LIPK: variants seen among roughly 807,000 people sequenced by gnomAD.
LIPK encodes the protein lipase family member K.
A neutral mutation model predicts 48.6 loss-of-function variants in LIPK; 32 were observed. That is an observed-to-expected ratio of 0.66 (90% confidence interval 0.50 to 0.88). The LOEUF (loss-of-function observed/expected upper bound fraction) is 0.88, where lower values mean the gene tolerates loss of function less well. Ranked by LOEUF, LIPK falls within the 40% of genes least tolerant of loss-of-function variation. The pLI is 0.00. For missense variants in LIPK, 507 were observed against 478.5 expected (o/e 1.06, Z -0.56); for synonymous variants, 164 against 157.4 (o/e 1.04, Z -0.32).
At chr10:88,708,675 T>C (rs1841977412) in intron 1 of LIPK, among the ~76,000 whole-genome samples, 1 of 152,074 alleles carries the variant, frequency 6.6e-6, no homozygotes, top group Non-Finnish European at 1.5e-5. Flanking sequence ...TCCAATAGAA[T>C]AATGATTTGA....
At chr10:88,715,559 G>A (rs1447493909) in intron 1 of LIPK, among the ~76,000 whole-genome samples, 2 of 151,704 alleles carry the variant, frequency 1.3e-5, no homozygotes, top group Non-Finnish European at 2.9e-5. Context: ...GTACATAGTT[G>A]GGCCCCGCTT....
At chr10:88,750,839 G>A (rs1010099787) in intron 9 of LIPK, among the ~76,000 whole-genome samples, 10 of 152,004 alleles carry the variant, frequency 6.6e-5, no homozygotes, top group Non-Finnish European at 8.8e-5. Flanking sequence ...ACCAGAATAC[G>A]ACCCAGGTTT....
At chr10:88,730,900 A>T (rs981747574) in intron 3 of LIPK, 83 bp from the exon 4 acceptor site, 34 of 1,259,462 alleles carry the variant, frequency 2.7e-5, no homozygotes, top group Admixed American at 5.4e-5. Flanking sequence ...TTTCTTTTAT[A>T]CTACAGAAAT....
chr10:88,748,655 G>A (rs1190810214), intron 9 of LIPK, among the ~76,000 whole-genome samples: 1 of 151,010 alleles, frequency 6.6e-6, no homozygotes, highest in Non-Finnish European at 1.5e-5. Flanking sequence ...AATATTAAAT[G>A]CCATTTCTGA....
intron 1 of LIPK, among the ~76,000 whole-genome samples, chr10:88,720,342 G>A (rs1251106358): frequency 2.0e-5 from 3 of 151,972 alleles, no homozygotes; most frequent in African/African-American, 7.3e-5. Context: ...CACAAAGAGG[G>A]GAATGACAGA....
At chr10:88,726,652 C>T in intron 2 of LIPK, 143 bp from the exon 3 acceptor site, 1 of 606,992 alleles carries the variant, frequency 1.6e-6, no homozygotes, top group Non-Finnish European at 2.9e-6. Context: ...CAAGATCACA[C>T]CACTGCACTC....
At chr10:88,712,118 T>C (rs553837033) in intron 1 of LIPK, among the ~76,000 whole-genome samples, 4 of 152,346 alleles carry the variant, frequency 2.6e-5, no homozygotes, top group Non-Finnish European at 5.9e-5. Context: ...TGTTGATGTA[T>C]AAACAAAGTA....
intron 9 of LIPK, among the ~76,000 whole-genome samples, chr10:88,744,137 G>T (rs1050419996): frequency 2.6e-5 from 4 of 152,154 alleles, no homozygotes; most frequent in African/African-American, 9.7e-5. Flanking sequence ...GCACATCCCT[G>T]TCTGCTGGCC....
chr10:88,719,599 C>T (rs1842183177), intron 1 of LIPK, among the ~76,000 whole-genome samples: 1 of 152,198 alleles, frequency 6.6e-6, no homozygotes, highest in Admixed American at 6.5e-5. Context: ...TAGAAACTGA[C>T]CCCTTTGCAT....
chr10:88,717,012 C>A (rs544260066), intron 1 of LIPK, among the ~76,000 whole-genome samples: 16 of 152,132 alleles, frequency 1.1e-4, no homozygotes, highest in African/African-American at 3.9e-4. Flanking sequence ...GGAAAGAGAC[C>A]AGTGCATGTA....
chr10:88,718,746 C>T lies in LIPK; in HGVS notation c.-11-5787C>T, dbSNP rs184254214. ...CTAAATTGACATTTACGTTTGCTAG[C>T]GATGGAAAAATAATGATTATAATGA... On this transcript the variant is annotated intron_variant, in intron 1 of 9. Transcript: ENST00000404190. 2.0e-3 allele frequency among the ~76,000 whole-genome samples: 301 copies of T among 151,910 alleles called. 3 individuals carry two copies. The highest frequency in any genetic ancestry group is 6.8e-3 in the African/African-American group (283 of 41,426).
In LIPK at chr10:88,743,261, T is replaced by C; in HGVS notation, c.900T>C (p.Ser300=). 2 of 1,586,616 alleles carry C rather than the reference T, an allele frequency of 1.3e-6. No individual in the cohort carries two copies. The highest frequency in any genetic ancestry group is 1.7e-6 in the Non-Finnish European group (2 of 1,163,884). The change falls in exon 9 of 10, where the codon TCT becomes TCC. Residue 300 remains serine, a synonymous_variant. Transcript: ENST00000404190. ...NMLHWAQAVN[S]GQLQAFDWGN... ...TTATTTTATTTTAGGCTGTTAATTC[T>C]GGTCAGCTCCAAGCTTTTGATTGGG... is the stretch of plus-strand genomic sequence containing the variant.
At position 88,724,641 on chromosome 10, in the gene LIPK, T is replaced by A. The variant is rs1216719979; in HGVS notation, c.98T>A (p.Met33Lys). ...KGNNANPEAN[M>K]NISQIISYWG... ...AACAATGCAAACCCTGAAGCTAATA[T>A]GAATATTGTAAGTCATTTATTCAGA... is the stretch of plus-strand genomic sequence containing the variant. The change falls in exon 2 of 10, where the codon ATG becomes AAG. Residue 33 changes from methionine to lysine, a missense_variant. Transcript: ENST00000404190. 4 of 1,580,724 alleles carry A rather than the reference T, an allele frequency of 2.5e-6. No homozygotes were observed. The highest frequency in any genetic ancestry group is 3.4e-6 in the Non-Finnish European group (4 of 1,167,510).
chr10:88,743,176 G>T lies in LIPK; in HGVS notation c.889-74G>T, dbSNP rs970583992. On this transcript the variant is annotated intron_variant, in intron 8 of 9. Transcript: ENST00000404190. The stretch of plus-strand genomic sequence containing the variant: ...CTGGGGCATAATGTTAATCTTCTTT[G>T]TATATTTCTTCTGTACTGTCTTTAA... The T allele has an allele frequency of 2.2e-5, 21 of 953,718 alleles. No individual in the cohort carries two copies. In the African/African-American group the frequency reaches 2.5e-4, roughly 11 times the overall value. The allele number at this position is 953,718 out of a possible 1,614,324, so 59.1% of individuals were successfully genotyped here. A position where few individuals can be genotyped will look rare whatever the true frequency, so the allele number is the denominator to read the frequency against.
chr10:88,749,052 A>G (rs1842820034), intron 9 of LIPK, among the ~76,000 whole-genome samples: 1 of 152,226 alleles, frequency 6.6e-6, no homozygotes, highest in Middle Eastern at 3.2e-3. Flanking sequence ...TAAAATGTGA[A>G]TACAGCTAAT....
chr10:88,722,658 C>T (rs1842250205), intron 1 of LIPK, among the ~76,000 whole-genome samples: 1 of 152,080 alleles, frequency 6.6e-6, no homozygotes. Context: ...ATTAGACACA[C>T]AGAAGCCAGA....
intron 1 of LIPK, among the ~76,000 whole-genome samples, chr10:88,708,382 C>A: frequency 6.6e-6 from 1 of 151,992 alleles, no homozygotes. Flanking sequence ...TAACCATTTT[C>A]ATTTTGGAGT....
At chr10:88,725,922 C>T (rs61853971) in intron 2 of LIPK, among the ~76,000 whole-genome samples, 5 of 152,072 alleles carry the variant, frequency 3.3e-5, no homozygotes, top group Non-Finnish European at 5.9e-5. Flanking sequence ...TCAATTCAGC[C>T]AATGGAAATG....
rs1410879943 is a variant in LIPK at position 88,732,443 on chromosome 10, A to G, written c.561A>G (p.Glu187=). Residue 187 remains glutamate, a synonymous_variant, in exon 6 of 10, where the codon GAA becomes GAG. Coordinates refer to ENST00000404190, the MANE Select transcript of LIPK (RefSeq NM_001080518.2). ...TTATAGCATTTTCTACAAACCCAGA[A>G]CTGGCTAAAAAGATTAAGATATTTT... ...IAFIAFSTNP[E]LAKKIKIFFA... The G allele has an allele frequency of 4.3e-6, 7 of 1,613,378 alleles. No individual in the cohort carries two copies. In the African/African-American group the frequency reaches 9.3e-5, roughly 22 times the overall value.
Sources: gnomAD v4.1 joint callset for allele counts (sites outside exome capture counted in the v4.1 genomes callset) on GRCh38, gnomAD v4.1.1 for gene constraint, MANE v1.5 for transcripts, NCBI Gene and HGNC (gene_info 2026-07-23, HGNC 2026-07-21) for gene names.